HDAC9: variants seen among roughly 807,000 people sequenced by gnomAD.
HDAC9 encodes histone deacetylase 9.
HDAC9 carries 41 observed loss-of-function variants against 139.4 expected under a neutral mutation model. The ratio of observed to expected loss-of-function variants is 0.29; its 90% CI spans 0.23 to 0.38. The LOEUF (loss-of-function observed/expected upper bound fraction) is 0.38, where lower values mean the gene tolerates loss of function less well. HDAC9 is among the 10% of genes least tolerant of loss of function. The pLI is 1.00. For missense variants in HDAC9, 1,147 were observed against 1,297.0 expected, an observed-to-expected ratio of 0.88 and a Z score of 1.78; for synonymous variants, 517 against 476.2, an observed-to-expected ratio of 1.09 and a Z score of -1.12.
intron 2 of HDAC9, among the ~76,000 whole-genome samples, chr7:18,249,695 C>T (rs1383984352): frequency 6.6e-6 from 1 of 151,892 alleles, no homozygotes; most frequent in African/African-American, 2.4e-5. Flanking sequence ...AAAGGTATTT[C>T]CATTTTTTTC....
chr7:18,963,481 C>G (rs1010883795), intron 24 of HDAC9, among the ~76,000 whole-genome samples: 30 of 151,976 alleles, frequency 2.0e-4, no homozygotes, highest in African/African-American at 7.2e-4. Flanking sequence ...ATCCAATGCA[C>G]AATAACACAA....
At chr7:18,656,322 A>G (rs1562779914) in intron 11 of HDAC9, among the ~76,000 whole-genome samples, 1 of 152,102 alleles carries the variant, frequency 6.6e-6, no homozygotes, top group Non-Finnish European at 1.5e-5. Flanking sequence ...GTCATGGAAT[A>G]ATTGATGATG....
rs1781598293 is a variant in HDAC9 at position 18,935,952 on chromosome 7, T to C, written c.2937+10T>C. 9 of 1,610,578 alleles carry C rather than the reference T, an allele frequency of 5.6e-6. No individual in the cohort carries two copies. In the African/African-American group the frequency reaches 1.1e-4, roughly 19 times the overall value. ...CCTTCTAGGAAATGAGGTAAAAAAG[T>C]AAAAGTACAAAGGGGCAGGGGTAAA... is the stretch of plus-strand genomic sequence containing the variant. On this transcript the variant is annotated intron_variant, in intron 23 of 25. Transcript: ENST00000686413.
At chr7:18,343,476 C>T (rs1424525393) in intron 1 of HDAC9, among the ~76,000 whole-genome samples, 3 of 151,758 alleles carry the variant, frequency 2.0e-5, no homozygotes, top group African/African-American at 7.3e-5. Flanking sequence ...AGATTATCTA[C>T]AGAAAATGTT....
rs1172240601 is a variant in HDAC9 at position 18,523,230 on chromosome 7, C to CT, written c.22+26907dup. Among the ~76,000 whole-genome samples, 9 of 152,156 alleles carry CT rather than the reference C, an allele frequency of 5.9e-5. No individual in the cohort carries two copies. The East Asian group carries it at 1.7e-3, about 29-fold the overall frequency. On this transcript the variant is annotated intron_variant, in intron 2 of 25. Transcript: ENST00000686413. Reference sequence around the variant, plus strand: ...AACTTCTAAAGGATTTTAAGAAGAGCTGCATGATCAGAAATACTTCTTGGA... The same window carrying CT: ...AACTTCTAAAGGATTTTAAGAAGAGCTTGCATGATCAGAAATACTTCTTGGA...
intron 12 of HDAC9, among the ~76,000 whole-genome samples, chr7:18,705,531 T>G (rs1443579840): frequency 6.6e-6 from 1 of 152,064 alleles, no homozygotes; most frequent in Non-Finnish European, 1.5e-5. Context: ...CCTGTACCTA[T>G]GCTTAGTAAC....
chr7:18,744,094 G>A lies in HDAC9; in HGVS notation c.1910-4911G>A, dbSNP rs573169227. Among the ~76,000 whole-genome samples the A allele has an allele frequency of 1.7e-4, 25 of 144,732 alleles. No homozygotes were observed. The East Asian group carries it at 4.7e-3, about 27-fold the overall frequency. 94.9% of individuals were successfully genotyped at this position (144,732 alleles called of 152,430 possible). ...TGCAACAGCACTCCCAGGTTCAAGC[G>A]ATCCTCCTGCCTCAGCCTCCTGAGT... is the stretch of plus-strand genomic sequence containing the variant. On this transcript the variant is annotated intron_variant, in intron 13 of 25. Coordinates refer to ENST00000686413, the MANE Select transcript of HDAC9 (RefSeq NM_178425.4).
At chr7:18,167,824 T>C (rs1788109831) in intron 2 of HDAC9, among the ~76,000 whole-genome samples, 1 of 152,122 alleles carries the variant, frequency 6.6e-6, no homozygotes, top group Non-Finnish European at 1.5e-5. Flanking sequence ...AGGAGACAGG[T>C]TTGGTGAACA....
intron 1 of HDAC9, among the ~76,000 whole-genome samples, chr7:18,096,050 C>T (rs539679702): frequency 6.6e-6 from 1 of 152,280 alleles, no homozygotes; most frequent in East Asian, 1.9e-4. Flanking sequence ...AATGAGGTAT[C>T]ACCTGAGATC....
chr7:18,702,427 G>A (rs1045330389), intron 12 of HDAC9, among the ~76,000 whole-genome samples: 4 of 152,154 alleles, frequency 2.6e-5, no homozygotes, highest in African/African-American at 9.7e-5. Flanking sequence ...GATAAAAGTC[G>A]GCGACTGTCC....
chr7:18,384,212 G>A (rs1374661601), intron 1 of HDAC9, among the ~76,000 whole-genome samples: 1 of 152,028 alleles, frequency 6.6e-6, no homozygotes, highest in Non-Finnish European at 1.5e-5. Context: ...TTGGGAGGCT[G>A]AGGTGGGAGG....
At chr7:18,471,195 CT>C in intron 1 of HDAC9, among the ~76,000 whole-genome samples, 1 of 152,066 alleles carries the variant, frequency 6.6e-6, no homozygotes, top group Non-Finnish European at 1.5e-5. Context: ...GCACTTGGAA[CT>C]ATAACCGGCA....
intron 1 of HDAC9, among the ~76,000 whole-genome samples, chr7:18,315,190 T>C (rs1295841807): frequency 6.6e-6 from 1 of 152,216 alleles, no homozygotes; most frequent in African/African-American, 2.4e-5. Flanking sequence ...AACCAACTTT[T>C]ATTGTTCTGT....
upstream of HDAC9, chr7:18,289,962 G>T (rs2128224061): frequency 6.5e-6 from 1 of 152,776 alleles, no homozygotes; most frequent in South Asian, 2.1e-4. Context: ...GCCCCCAGTT[G>T]TGGAAGTTTC....
chr7:18,668,979 A>C, intron 12 of HDAC9: 1 of 701,754 alleles, frequency 1.4e-6, no homozygotes, highest in Non-Finnish European at 1.7e-6. Flanking sequence ...TTGAGCAGTT[A>C]CATCTAATAC....
chr7:18,352,057 CTG>C (rs1465974852), intron 1 of HDAC9, among the ~76,000 whole-genome samples: 1 of 152,146 alleles, frequency 6.6e-6, no homozygotes, highest in Admixed American at 6.5e-5. Context: ...CTCACAATAA[CTG>C]TGGGCACCCT....
intron 1 of HDAC9, among the ~76,000 whole-genome samples, chr7:18,302,265 T>C (rs548014969): frequency 2.6e-5 from 4 of 152,370 alleles, no homozygotes; most frequent in African/African-American, 9.6e-5. Flanking sequence ...CTTAGTTCTC[T>C]AATTGTGGTT....
At chr7:18,579,731 A>C (rs1827177065) in intron 2 of HDAC9, among the ~76,000 whole-genome samples, 3 of 152,238 alleles carry the variant, frequency 2.0e-5, no homozygotes, top group African/African-American at 7.2e-5. Flanking sequence ...CACCTTTTTC[A>C]GTGGAAAACT....
chr7:18,375,555 C>A (rs368708371), intron 1 of HDAC9, among the ~76,000 whole-genome samples: 1 of 152,058 alleles, frequency 6.6e-6, no homozygotes, highest in Non-Finnish European at 1.5e-5. Context: ...GTTGTCCTTT[C>A]CTTTTCTCCT....
Sources: gnomAD v4.1 joint callset for allele counts (sites outside exome capture counted in the v4.1 genomes callset) on GRCh38, gnomAD v4.1.1 for gene constraint, MANE v1.5 for transcripts, NCBI Gene and HGNC (gene_info 2026-07-23, HGNC 2026-07-21) for gene names.